BCAR3: variants seen among roughly 807,000 people sequenced by gnomAD.
BCAR3 encodes the protein breast cancer anti-estrogen resistance protein 3.
BCAR3 carries 37 observed loss-of-function variants against 80.1 expected under a neutral mutation model. The observed-to-expected ratio is 0.46, with a 90% confidence interval of 0.36 to 0.61. The LOEUF (loss-of-function observed/expected upper bound fraction) is 0.61. Among genes scored for constraint, BCAR3 ranks in the 20% least tolerant of loss-of-function variants. BCAR3 has a pLI of 0.00. For missense variants in BCAR3, 978 were observed against 1,068.2 expected, an observed-to-expected ratio of 0.92 and a Z score of 1.18; for synonymous variants, 389 against 418.9, an observed-to-expected ratio of 0.93 and a Z score of 0.87.
At chr1:93,768,567 A>G (rs1652241210) in intron 2 of BCAR3, among the ~76,000 whole-genome samples, 1 of 152,194 alleles carries the variant, frequency 6.6e-6, no homozygotes, top group South Asian at 2.1e-4. Flanking sequence ...AGGAGAACTT[A>G]AAACCGGAGC....
chr1:93,662,352 C>CT (rs1647700800), intron 2 of BCAR3, among the ~76,000 whole-genome samples: 1 of 152,220 alleles, frequency 6.6e-6, no homozygotes, highest in Non-Finnish European at 1.5e-5. Context: ...AAACCCCATA[C>CT]TTTCATTTGT....
At chr1:93,782,721 T>G (rs1249396566) in intron 2 of BCAR3, among the ~76,000 whole-genome samples, 1 of 152,140 alleles carries the variant, frequency 6.6e-6, no homozygotes, top group Admixed American at 6.5e-5. Flanking sequence ...GCTGCCAGGC[T>G]TGGGAAGCAA....
chr1:93,705,282 G>A (rs1376652408), intron 3 of BCAR3, among the ~76,000 whole-genome samples: 1 of 152,102 alleles, frequency 6.6e-6, no homozygotes, highest in African/African-American at 2.4e-5. Context: ...GTCCTCCCTG[G>A]ACCAATTTAC....
intron 3 of BCAR3, among the ~76,000 whole-genome samples, chr1:93,601,857 C>T (rs549637272): frequency 2.0e-5 from 3 of 152,130 alleles, no homozygotes; most frequent in Non-Finnish European, 2.9e-5. Context: ...GCTATTCTAT[C>T]CTAGTTGGGA....
intron 3 of BCAR3, among the ~76,000 whole-genome samples, chr1:93,700,631 A>G (rs886316618): frequency 6.6e-6 from 1 of 152,036 alleles, no homozygotes; most frequent in Non-Finnish European, 1.5e-5. Context: ...ATACAAACAG[A>G]AGCCAGGAGG....
intron 9 of BCAR3, chr1:93,568,197 AATAAAT>A (rs949461731): frequency 1.3e-5 from 2 of 158,314 alleles, no homozygotes; most frequent in African/African-American, 5.0e-5. Flanking sequence ...AAAAAAAAAA[AATAAAT>A]AAAATAAAAT....
intron 3 of BCAR3, among the ~76,000 whole-genome samples, chr1:93,612,237 C>T (rs1051654328): frequency 6.6e-6 from 1 of 152,058 alleles, no homozygotes. Flanking sequence ...AGTGAGTGAG[C>T]AGCTCAGGCC....
intron 7 of BCAR3, among the ~76,000 whole-genome samples, chr1:93,577,365 C>T (rs1336106167): frequency 1.3e-5 from 2 of 152,110 alleles, no homozygotes; most frequent in Non-Finnish European, 2.9e-5. Flanking sequence ...TATTACTAAC[C>T]CTACCCTGTA....
intron 2 of BCAR3, among the ~76,000 whole-genome samples, chr1:93,789,009 C>T (rs1013269612): frequency 6.7e-6 from 1 of 149,390 alleles, no homozygotes; most frequent in African/African-American, 2.6e-5. Context: ...CTCTATCTTT[C>T]TCTCTTTTTT....
intron 3 of BCAR3, among the ~76,000 whole-genome samples, chr1:93,693,396 C>A (rs908875124): frequency 3.3e-5 from 5 of 152,172 alleles, no homozygotes; most frequent in African/African-American, 1.2e-4. Flanking sequence ...TCCATGTGAC[C>A]TCGTCTGTCT....
intron 2 of BCAR3, among the ~76,000 whole-genome samples, chr1:93,812,645 C>T (rs1000897100): frequency 6.6e-6 from 1 of 152,230 alleles, no homozygotes; most frequent in Non-Finnish European, 1.5e-5. Context: ...TCCCTAATCC[C>T]TACTGCCCAG....
At chr1:93,820,279 A>G (rs991306917) in intron 2 of BCAR3, among the ~76,000 whole-genome samples, 2 of 152,198 alleles carry the variant, frequency 1.3e-5, no homozygotes, top group Admixed American at 6.5e-5. Context: ...GCAGACACCA[A>G]TTAGGATCTT....
intron 2 of BCAR3, among the ~76,000 whole-genome samples, chr1:93,706,791 T>C (rs1255939443): frequency 6.6e-6 from 1 of 152,254 alleles, no homozygotes; most frequent in African/African-American, 2.4e-5. Flanking sequence ...TAAATCTACA[T>C]AATTCAATAT....
In BCAR3 at chr1:93,571,823, G is replaced by T. The variant is rs779348233; in HGVS notation, c.1821C>A (p.Ile607=). The change falls in exon 9 of 12, where the codon ATC becomes ATA. Residue 607 remains isoleucine (I), a synonymous_variant. Transcript: ENST00000260502. ...ATCCCAGAATGTCCACTGCAATGCC[G>T]ATGGCCATTGTGTTGTGTCTGAAAG... ...DIIERHNTMA[I]GIAVDILGCT... is the part of the protein sequence containing the mutation. 1 of 1,613,790 alleles carries T rather than the reference G, an allele frequency of 6.2e-7. No homozygotes were observed. Among genetic ancestry groups the T allele is most frequent in the Non-Finnish European group, 8.5e-7 (1 of 1,179,920 alleles).
intron 2 of BCAR3, among the ~76,000 whole-genome samples, chr1:93,776,104 A>G (rs1349290300): frequency 6.6e-6 from 1 of 152,210 alleles, no homozygotes; most frequent in Non-Finnish European, 1.5e-5. Flanking sequence ...TTCCTAGGAA[A>G]GTATCTAGAA....
intron 3 of BCAR3, among the ~76,000 whole-genome samples, chr1:93,610,015 CA>C (rs1406471770): frequency 1.3e-5 from 2 of 152,204 alleles, no homozygotes; most frequent in African/African-American, 4.8e-5. Flanking sequence ...TTCCTTCAAC[CA>C]GAGTTAAATG....
intron 3 of BCAR3, among the ~76,000 whole-genome samples, chr1:93,609,070 C>G (rs964908016): frequency 6.6e-6 from 1 of 152,166 alleles, no homozygotes; most frequent in Non-Finnish European, 1.5e-5. Flanking sequence ...CACACACGCA[C>G]CGCCACAGAA....
chr1:93,568,651 A>G (rs1384250987), intron 9 of BCAR3, among the ~76,000 whole-genome samples: 1 of 152,194 alleles, frequency 6.6e-6, no homozygotes, highest in Non-Finnish European at 1.5e-5. Flanking sequence ...GTCTATACGC[A>G]CACCCCTTTT....
chr1:93,808,523 AG>A, intron 2 of BCAR3, among the ~76,000 whole-genome samples: 1 of 152,332 alleles, frequency 6.6e-6, no homozygotes, highest in South Asian at 2.1e-4. Flanking sequence ...GTATAAATTA[AG>A]AAAGAGGAAG....
Sources: allele counts gnomAD v4.1 joint callset (sites outside exome capture counted in the v4.1 genomes callset), GRCh38; gene constraint gnomAD v4.1.1; transcripts MANE v1.5; gene names NCBI Gene and HGNC (gene_info 2026-07-23, HGNC 2026-07-21).